Variants in MIB2 observed in about 807,000 individuals in gnomAD.
The protein encoded by MIB2 is MIB E3 ubiquitin protein ligase 2, also known as E3 ubiquitin-protein ligase MIB2.
MIB2 carries 78 observed loss-of-function variants against 96.6 expected under a neutral mutation model. The observed-to-expected ratio is 0.81, with a 90% CI of 0.67 to 0.97. MIB2 has a LOEUF of 0.97. Among genes scored for constraint, MIB2 ranks in the 50% least tolerant of loss-of-function variants. MIB2 has a pLI of 0.00. For missense variants in MIB2, 1,543 were observed against 1,424.0 expected, an observed-to-expected ratio of 1.08 and a Z score of -1.35; for synonymous variants, 820 against 629.5, an observed-to-expected ratio of 1.30 and a Z score of -4.53.
Position 1,625,467 on chromosome 1 carries a change from T to TCCCCCCCCCCCCCCCC in MIB2, c.864+42_864+43insCCCCCCCCCCCCCCCC. On this transcript the variant is annotated intron_variant, in intron 7 of 19. Transcript: ENST00000355826. This position sits in a 1 kb window ranked among gnomAD's most constrained non-coding sequence, Gnocchi z 5.0. The stretch of plus-strand genomic sequence containing the variant: ...CCGTGGAGCCCTGTGTGCCCTGCCC[T>TCCCCCCCCCCCCCCCC]CCCAGCCCTCCGCCCCCTCAGCCCC... The TCCCCCCCCCCCCCCCC allele has an allele frequency of 1.3e-6, 2 of 1,538,732 alleles. No individual in the cohort carries two copies. Among genetic ancestry groups the TCCCCCCCCCCCCCCCC allele is most frequent in the Non-Finnish European group, 1.8e-6 (2 of 1,134,464 alleles).
chr1:1,615,919 C>G, intron 1 of MIB2: 2 of 998,720 alleles, frequency 2.0e-6, no homozygotes, highest in Non-Finnish European at 2.4e-6. Flanking sequence ...GGGTCGTCGT[C>G]CGGGCCGGGT....
In MIB2 at chr1:1,624,829, A is replaced by T; in HGVS notation, c.454A>T (p.Ile152Phe). Reference sequence around the variant, plus strand: ...GAGTCCCCGCCAGGGCCTCCCGAGGATCCCACTAAGGGGCATCTTCCAGGG... The same window carrying T: ...GAGTCCCCGCCAGGGCCTCCCGAGGTTCCCACTAAGGGGCATCTTCCAGGG... The part of the protein sequence containing the change: ...TLSPRQGLPR[I>F]PLRGIFQGAK... The change falls in exon 5 of 20, where the codon ATC becomes TTC. Residue 152 changes from isoleucine (I) to phenylalanine (F), a missense_variant. Coordinates refer to ENST00000355826, the MANE Select transcript of MIB2 (RefSeq NM_001170687.4). The T allele has an allele frequency of 6.2e-7, 1 of 1,613,038 alleles. No individual in the cohort carries two copies. Among genetic ancestry groups the T allele is most frequent in the South Asian group, 1.1e-5 (1 of 91,072 alleles).
Position 1,629,392 on chromosome 1 carries a change from C to T in MIB2, c.2389C>T (p.Gln797Ter), listed in dbSNP as rs930995518. ...CGCCTCCTCCCCCTGCAGGGAGCGG[C>T]AGGCGGGCGGGGGCGCGGCCCCGGG... ...QGCAQRFRERQAGGGAAPGPR... is the reference protein window; with the variant it reads ...QGCAQRFRER The change falls in exon 18 of 20, where the codon CAG (glutamine) becomes TAG (stop). Residue 797 changes from glutamine (Q) to a stop codon, truncating the protein, a stop_gained. Transcript: ENST00000355826. LOFTEE classifies it high-confidence loss of function. 1 of 1,444,370 alleles carries T rather than the reference C, an allele frequency of 6.9e-7. No homozygotes were observed. Among genetic ancestry groups the T allele is most frequent in the Non-Finnish European group, 9.0e-7 (1 of 1,111,840 alleles). The allele number at this position is 1,444,370 out of a possible 1,614,324, so 89.5% of individuals were successfully genotyped here.
At chr1:1,623,093 A>C (rs1569721938) in intron 2 of MIB2, 1 of 449,460 alleles carries the variant, frequency 2.2e-6, no homozygotes. Context: ...CCAGCTCATT[A>C]ATTGGCTGTG....
At chr1:1,622,412 G>A (rs569953248) in intron 2 of MIB2, among the ~76,000 whole-genome samples, 123 of 152,234 alleles carry the variant, frequency 8.1e-4, no homozygotes, top group African/African-American at 2.7e-3. Flanking sequence ...AGCCCACGGT[G>A]ACTCACGTCT....
At chr1:1,628,925 A>G (rs1240680940) in intron 16 of MIB2, 2 of 712,968 alleles carry the variant, frequency 2.8e-6, no homozygotes, top group South Asian at 2.0e-5. Context: ...GGTGGTGCCC[A>G]TGGGATGGGG....
In MIB2 at chr1:1,625,217, C is replaced by T. The variant is rs534526616; in HGVS notation, c.721+32C>T. 1.5e-5 allele frequency: 24 copies of T among 1,603,038 alleles called. No individual in the cohort carries two copies. The Admixed American group carries it at 3.3e-4, about 22-fold the overall frequency. ...GGCTGTCACACTGACTCCATCAGCC[C>T]TCCTGCCTTGGCTGAAGTCCCAGAG... is the stretch of plus-strand genomic sequence containing the variant. On this transcript the variant is annotated intron_variant, in intron 6 of 19. Transcript: ENST00000355826. This position sits in a 1 kb window ranked among gnomAD's most constrained non-coding sequence, Gnocchi z 5.0.
In MIB2 at chr1:1,628,438, C is replaced by A. The variant is rs749762792; in HGVS notation, c.1968+39C>A. 7 of 1,600,966 alleles carry A rather than the reference C, an allele frequency of 4.4e-6. No homozygotes were observed. In the Admixed American group the frequency reaches 1.2e-4, roughly 27 times the overall value. ...CCAGTCCTGCCCAAGGACCGGGGAG[C>A]GGGAGGCCCACTGGGGTCCCTGGGC... On this transcript the variant is annotated intron_variant, in intron 15 of 19. Coordinates refer to ENST00000355826, the MANE Select transcript of MIB2 (RefSeq NM_001170687.4).
intron 2 of MIB2, chr1:1,618,269 C>T (rs1186637851): frequency 1.3e-5 from 2 of 152,368 alleles, no homozygotes; most frequent in Non-Finnish European, 2.9e-5. Flanking sequence ...CACGGGTCCC[C>T]TCCTCTGCAC....
At chr1:1,616,212 T>G in intron 1 of MIB2, 1 of 620,678 alleles carries the variant, frequency 1.6e-6, no homozygotes, top group Non-Finnish European at 2.0e-6. Context: ...GTGCCCGCCG[T>G]GCCCGCCCCT....
At chr1:1,623,187 C>A in intron 2 of MIB2, 1 of 599,220 alleles carries the variant, frequency 1.7e-6, no homozygotes, top group Non-Finnish European at 2.8e-6. Flanking sequence ...GATCCCTGGG[C>A]CCAGACCACC....
rs779731452 is a variant in MIB2, at chr1:1,623,435, C to T, written c.-18C>T. ...CATGGACCCCTCTGCCCACAGGTCC[C>T]GAGCAGCCCCGCCCAACATGGACCC... On this transcript the variant is annotated 5_prime_UTR_variant, in exon 3 of 20. The change creates a premature stop within an existing upstream ORF in the 5' untranslated region. Coordinates refer to ENST00000355826, the MANE Select transcript of MIB2 (RefSeq NM_001170687.4). 3.9e-5 allele frequency: 63 copies of T among 1,601,984 alleles called. No individual in the cohort carries two copies. The highest frequency in any genetic ancestry group is 3.1e-4 in the South Asian group (28 of 89,734).
chr1:1,625,273 C>A lies in MIB2; in HGVS notation c.722-13C>A. On this transcript the variant is annotated splice_polypyrimidine_tract_variant and intron_variant, in intron 6 of 19. Coordinates refer to ENST00000355826, the MANE Select transcript of MIB2 (RefSeq NM_001170687.4). The surrounding 1 kb of genome is among the most constrained non-coding windows in gnomAD (Gnocchi z 5.0). The stretch of plus-strand genomic sequence containing the variant: ...GGGCCGCTGCCTGAGGCCTGGTCTG[C>A]CACCCTCCGCAGGCAAGCCGGCGGA... The A allele has an allele frequency of 6.3e-7, 1 of 1,593,948 alleles. No individual in the cohort carries two copies. Among genetic ancestry groups the A allele is most frequent in the Non-Finnish European group, 8.5e-7 (1 of 1,172,942 alleles).
Position 1,628,549 on chromosome 1 carries a change from C to T in MIB2, c.2029C>T (p.Gln677Ter). ...KLQSPLHLAVQQAHVGLVPLL... is the reference protein window; with the variant it reads ...KLQSPLHLAV ...GCAGTCCCCGCTGCATCTCGCCGTG[C>T]AACAGGCCCACGTGGGGCTGGTGCC... is the stretch of plus-strand genomic sequence containing the variant. The change falls in exon 16 of 20, where the codon CAA becomes TAA. Residue 677 changes from glutamine (Q) to a stop codon, truncating the protein, a stop_gained. Coordinates refer to ENST00000355826, the MANE Select transcript of MIB2 (RefSeq NM_001170687.4). LOFTEE classifies it high-confidence loss of function. 6.2e-7 allele frequency: 1 copy of T among 1,601,812 alleles called. No individual in the cohort carries two copies. Among genetic ancestry groups the T allele is most frequent in the Non-Finnish European group, 8.5e-7 (1 of 1,178,840 alleles).
At position 1,625,853 on chromosome 1, in the gene MIB2, G is replaced by C. The variant is rs1644709480; in HGVS notation, c.972+200G>C. The stretch of plus-strand genomic sequence containing the variant: ...GGGGTTGGGTGTGAAGGAACCCAGA[G>C]GAGGGTATGTCTCTGGGAGCTGGAA... On this transcript the variant is annotated intron_variant, in intron 8 of 19. Transcript: ENST00000355826. The surrounding 1 kb of genome is among the most constrained non-coding windows in gnomAD (Gnocchi z 5.0). The C allele has an allele frequency of 3.4e-6, 2 of 592,818 alleles. No individual in the cohort carries two copies. The highest frequency in any genetic ancestry group is 5.9e-5 in the Admixed American group (2 of 34,030). 36.7% of individuals were successfully genotyped at this position (592,818 alleles called of 1,614,324 possible). A position where few individuals can be genotyped will look rare whatever the true frequency, so the allele number is the denominator to read the frequency against.
intron 2 of MIB2, among the ~76,000 whole-genome samples, chr1:1,619,721 C>G (rs925945331): frequency 6.6e-6 from 1 of 152,172 alleles, no homozygotes; most frequent in Non-Finnish European, 1.5e-5. Flanking sequence ...TGTCCAGGCT[C>G]GTCCCCCTTG....
upstream of MIB2, chr1:1,615,200 C>T: frequency 1.0e-5 from 6 of 598,020 alleles, no homozygotes; most frequent in Non-Finnish European, 1.6e-5. Flanking sequence ...CTCAAAACCC[C>T]GGATAGGGCC....
intron 2 of MIB2, among the ~76,000 whole-genome samples, chr1:1,619,712 G>A (rs1557562410): frequency 6.6e-6 from 1 of 152,186 alleles, no homozygotes; most frequent in Non-Finnish European, 1.5e-5. Context: ...CAGCTCCCCT[G>A]TCCAGGCTCG....
chr1:1,630,580 G>A lies in MIB2; in HGVS notation c.*50G>A. 1.4e-6 allele frequency: 2 copies of A among 1,391,640 alleles called. No individual in the cohort carries two copies. The highest frequency in any genetic ancestry group is 1.5e-5 in the African/African-American group (1 of 66,990). 86.2% of individuals were successfully genotyped at this position (1,391,640 alleles called of 1,614,324 possible). ...CTGCCTTCGCGTGCCCCCGCCCTGT[G>A]TTTTATAAAAAGAAAGATTCTCGGA... On this transcript the variant is annotated 3_prime_UTR_variant, in exon 20 of 20. Transcript: ENST00000355826.
Sources: gnomAD v4.1 joint callset for allele counts (sites outside exome capture counted in the v4.1 genomes callset) on GRCh38, gnomAD v4.1.1 for gene constraint, Gnocchi (gnomAD v3.1) non-coding constraint, MANE v1.5 for transcripts, NCBI Gene and HGNC (gene_info 2026-07-23, HGNC 2026-07-21) for gene names.